The following TMEM272 variants were observed in gnomAD, a reference collection of about 807,000 sequenced individuals.
TMEM272 encodes long intergenic non-protein coding RNA 282.
TMEM272 carries 8 observed loss-of-function variants against 3.7 expected under a neutral mutation model. The observed-to-expected ratio is 2.17, with a 90% CI of 1.27 to 3.91. TMEM272 has a LOEUF of 3.91. Among genes scored for constraint, TMEM272 ranks in the 30% most tolerant of loss-of-function variants. The pLI, the probability that TMEM272 is intolerant of heterozygous loss-of-function variation, is 0.00. For missense variants in TMEM272, 166 were observed against 91.5 expected (o/e 1.81, Z -3.32); for synonymous variants, 63 against 39.8 (o/e 1.58, Z -2.20).
At chr13:51,897,264 T>C in the TMEM272 span, among the ~76,000 whole-genome samples, 1 of 151,646 alleles carries the variant, frequency 6.6e-6, no homozygotes, top group Non-Finnish European at 1.5e-5. Context: ...TGTGGTGCCA[T>C]CATGACTCAC....
At chr13:51,919,773 C>T in the TMEM272 span, among the ~76,000 whole-genome samples, 1 of 152,244 alleles carries the variant, frequency 6.6e-6, no homozygotes, top group Non-Finnish European at 1.5e-5. Flanking sequence ...TGCGCACCTG[C>T]GTGAGCATGT....
At chr13:51,845,950 A>G (rs970636558), upstream of TMEM272, among the ~76,000 whole-genome samples, 2 of 152,186 alleles carry the variant, frequency 1.3e-5, no homozygotes, top group Admixed American at 6.5e-5. Flanking sequence ...TCCAACCCTG[A>G]CATTCCAGGT....
the TMEM272 span, among the ~76,000 whole-genome samples, chr13:51,894,237 G>C: frequency 6.6e-6 from 1 of 152,192 alleles, no homozygotes; most frequent in African/African-American, 2.4e-5. Flanking sequence ...AGGCACAACT[G>C]GATTCAGGAA....
chr13:51,832,614 T>C (rs1196773136), intron 2 of TMEM272, among the ~76,000 whole-genome samples: 1 of 152,058 alleles, frequency 6.6e-6, no homozygotes, highest in Non-Finnish European at 1.5e-5. Context: ...CCCAAACCAC[T>C]TCTGCCCTCT....
the TMEM272 span, chr13:51,921,198 C>A: frequency 2.6e-5 from 4 of 152,238 alleles, no homozygotes; most frequent in African/African-American, 7.2e-5. Flanking sequence ...AGGTGTGTGG[C>A]AAGAGATGGG....
At chr13:51,866,615 C>T in the TMEM272 span, among the ~76,000 whole-genome samples, 3 of 152,228 alleles carry the variant, frequency 2.0e-5, no homozygotes, top group African/African-American at 7.2e-5. Context: ...GTGGAGGACA[C>T]AGGCAGAATC....
intron 2 of TMEM272, among the ~76,000 whole-genome samples, chr13:51,836,749 AG>A (rs539112802): frequency 2.3e-3 from 350 of 152,234 alleles, no homozygotes; most frequent in Non-Finnish European, 3.9e-3. Context: ...CCTTTATCTG[AG>A]GGGGCAGGTG....
At chr13:51,829,532 C>T (rs1428063898) in intron 2 of TMEM272, among the ~76,000 whole-genome samples, 1 of 152,106 alleles carries the variant, frequency 6.6e-6, no homozygotes, top group African/African-American at 2.4e-5. Flanking sequence ...CTTAGAGTGG[C>T]GGTCAAGGAA....
the TMEM272 span, among the ~76,000 whole-genome samples, chr13:51,924,093 C>T: frequency 6.6e-6 from 1 of 152,216 alleles, no homozygotes; most frequent in Non-Finnish European, 1.5e-5. Flanking sequence ...CCTTCCTCAA[C>T]CTTTCAGCTA....
chr13:51,906,958 C>T, the TMEM272 span, among the ~76,000 whole-genome samples: 3 of 152,230 alleles, frequency 2.0e-5, no homozygotes, highest in African/African-American at 4.8e-5. Flanking sequence ...TTCAGAAACG[C>T]CTTTGCAGTG....
chr13:51,896,530 G>A, the TMEM272 span, among the ~76,000 whole-genome samples: 2 of 152,168 alleles, frequency 1.3e-5, no homozygotes, highest in African/African-American at 4.8e-5. Flanking sequence ...ACTGCCCTCT[G>A]GGGAAGGTTG....
At chr13:51,852,697 G>C in the TMEM272 span, among the ~76,000 whole-genome samples, 15 of 152,158 alleles carry the variant, frequency 9.9e-5, no homozygotes, top group African/African-American at 3.1e-4. Flanking sequence ...GGCCAACATG[G>C]TGTAACCCCG....
At chr13:51,862,653 C>G in the TMEM272 span, among the ~76,000 whole-genome samples, 1 of 152,144 alleles carries the variant, frequency 6.6e-6, no homozygotes, top group Non-Finnish European at 1.5e-5. Context: ...CATGCTCAGT[C>G]TGAGCTTAGG....
At chr13:51,826,677 C>T in intron 2 of TMEM272, 52 bp from the exon 3 acceptor site, 1 of 701,798 alleles carries the variant, frequency 1.4e-6, no homozygotes, top group South Asian at 1.5e-5. Flanking sequence ...CAGACCCCTG[C>T]ATTTCCTCTT....
intron 2 of TMEM272, among the ~76,000 whole-genome samples, chr13:51,836,322 TTC>T (rs373426671): frequency 6.6e-6 from 1 of 152,240 alleles, no homozygotes; most frequent in East Asian, 1.9e-4. Flanking sequence ...GCCAACAAGT[TTC>T]TGTTTGTTAT....
chr13:51,865,374 C>T, the TMEM272 span: 1 of 1,575,978 alleles, frequency 6.3e-7, no homozygotes, highest in Non-Finnish European at 8.6e-7. Context: ...GTCCTGTCAT[C>T]CCTCATGGCC....
chr13:51,862,201 GA>G, the TMEM272 span: 2 of 152,204 alleles, frequency 1.3e-5, no homozygotes, highest in Admixed American at 6.5e-5. Context: ...AGGGCTACAG[GA>G]CTTACCCCAG....
chr13:51,851,831 AT>A, the TMEM272 span, among the ~76,000 whole-genome samples: 35 of 152,206 alleles, frequency 2.3e-4, no homozygotes, highest in African/African-American at 8.2e-4. Context: ...CCTGTTATAT[AT>A]TTTTTTACAG....
chr13:51,814,103 T>C lies in TMEM272; in HGVS notation c.*2648A>G, dbSNP rs1056148956. 2 of 152,312 alleles carry C rather than the reference T, an allele frequency of 1.3e-5. No individual in the cohort carries two copies. The highest frequency in any genetic ancestry group is 4.8e-5 in the African/African-American group (2 of 41,472). The allele number at this position is 152,312 out of a possible 1,614,324, so 9.4% of individuals were successfully genotyped here. On this transcript the variant is annotated 3_prime_UTR_variant, in exon 5 of 5. Transcript: ENST00000629372. ...CCATGCCAAGGATTATAACTTCTTC[T>C]ATAACCAGGAACTTCTTACACTCAC...
Sources: gnomAD v4.1 joint callset for allele counts (sites outside exome capture counted in the v4.1 genomes callset) on GRCh38, gnomAD v4.1.1 for gene constraint, MANE v1.5 for transcripts, NCBI Gene and HGNC (gene_info 2026-07-23, HGNC 2026-07-21) for gene names.